The following EXT2 variants were observed in gnomAD, a reference collection of about 807,000 sequenced individuals.
EXT2 encodes exostosin glycosyltransferase 2.
A neutral mutation model predicts 81.6 loss-of-function variants in EXT2; 53 were observed. The observed-to-expected ratio is 0.65, with a 90% CI of 0.52 to 0.82. The LOEUF (loss-of-function observed/expected upper bound fraction) is 0.82, where lower values mean the gene tolerates loss of function less well. Among genes scored for constraint, EXT2 ranks in the 40% least tolerant of loss-of-function variants. EXT2 has a pLI of 0.00. For missense variants in EXT2, 774 were observed against 910.2 expected, an observed-to-expected ratio of 0.85 and a Z score of 1.93; for synonymous variants, 320 against 340.0, an observed-to-expected ratio of 0.94 and a Z score of 0.65.
At chr11:44,178,018 A>G (rs563366720) in intron 8 of EXT2, among the ~76,000 whole-genome samples, 1 of 152,338 alleles carries the variant, frequency 6.6e-6, no homozygotes, top group Admixed American at 6.5e-5. Context: ...ACTTCCTCTA[A>G]GCCTCAGTCT....
chr11:44,180,027 T>A (rs1264124030), intron 8 of EXT2, among the ~76,000 whole-genome samples: 1 of 152,226 alleles, frequency 6.6e-6, no homozygotes, highest in Non-Finnish European at 1.5e-5. Flanking sequence ...CTCCCTTTTT[T>A]TTCCCTCAGC....
chr11:44,165,829 G>C (rs1437786838), intron 7 of EXT2, among the ~76,000 whole-genome samples: 1 of 152,130 alleles, frequency 6.6e-6, no homozygotes, highest in African/African-American at 2.4e-5. Context: ...TCTTGAAAAA[G>C]GGTGATTTTC....
chr11:44,203,054 A>G (rs1955539662), intron 9 of EXT2, among the ~76,000 whole-genome samples: 1 of 152,210 alleles, frequency 6.6e-6, no homozygotes, highest in Non-Finnish European at 1.5e-5. Flanking sequence ...TTATACCATC[A>G]GGAAGTTCTT....
intron 10 of EXT2, among the ~76,000 whole-genome samples, chr11:44,228,223 A>G (rs1475627425): frequency 2.6e-5 from 4 of 152,212 alleles, no homozygotes; most frequent in African/African-American, 9.6e-5. Flanking sequence ...AGTATAGACA[A>G]TTTAATATTG....
At chr11:44,138,884 G>T (rs1320105120) in intron 7 of EXT2, among the ~76,000 whole-genome samples, 2 of 152,136 alleles carry the variant, frequency 1.3e-5, no homozygotes, top group Non-Finnish European at 2.9e-5. Flanking sequence ...TGTAGATTCT[G>T]GCCCCCCACT....
intron 13 of EXT2, among the ~76,000 whole-genome samples, chr11:44,240,816 T>G (rs1956028277): frequency 6.6e-6 from 1 of 152,160 alleles, no homozygotes; most frequent in African/African-American, 2.4e-5. Flanking sequence ...TAAGCCATCT[T>G]GGGTAGATAA....
At chr11:44,151,048 G>A (rs7124027) in intron 7 of EXT2, among the ~76,000 whole-genome samples, 40 of 152,316 alleles carry the variant, frequency 2.6e-4, no homozygotes, top group African/African-American at 9.1e-4. Context: ...GAACATTAAA[G>A]TACAGATAGG....
rs1179119153 is a variant in EXT2, at chr11:44,249,146, A to G, written c.*4859A>G. The stretch of plus-strand genomic sequence containing the variant: ...CAAGTAGCTGAGACTAAAAGCGTGC[A>G]CCACCACACCTGGCTGATCTTTTAA... On this transcript the variant is annotated 3_prime_UTR_variant, in exon 14 of 14. Transcript: ENST00000533608. Among the ~76,000 whole-genome samples, 1 of 152,044 alleles carries G rather than the reference A, an allele frequency of 6.6e-6. No individual in the cohort carries two copies. Among genetic ancestry groups the G allele is most frequent in the Non-Finnish European group, 1.5e-5 (1 of 68,022 alleles).
At chr11:44,238,127 A>G (rs1955992043) in intron 13 of EXT2, among the ~76,000 whole-genome samples, 1 of 152,092 alleles carries the variant, frequency 6.6e-6, no homozygotes. Context: ...TAATTTAGAT[A>G]TAATTATTAT....
At chr11:44,236,059 C>A (rs1370711911) in intron 12 of EXT2, among the ~76,000 whole-genome samples, 1 of 152,186 alleles carries the variant, frequency 6.6e-6, no homozygotes, top group Non-Finnish European at 1.5e-5. Flanking sequence ...CCACTTCTTT[C>A]CAGTTACAGA....
intron 4 of EXT2, chr11:44,116,052 A>G (rs1954217703): frequency 6.6e-6 from 1 of 152,172 alleles, no homozygotes; most frequent in African/African-American, 2.4e-5. Context: ...TACTCTTTTA[A>G]TGTGTATAAT....
intron 1 of EXT2, 44 bp from the exon 2 acceptor site, chr11:44,107,639 A>T (rs1182806368): frequency 6.4e-7 from 1 of 1,557,046 alleles, no homozygotes; most frequent in Non-Finnish European, 8.7e-7. Context: ...GTCATTTGCC[A>T]TCCTAAATAC....
At chr11:44,180,282 T>C (rs1313301735) in intron 8 of EXT2, among the ~76,000 whole-genome samples, 1 of 152,212 alleles carries the variant, frequency 6.6e-6, no homozygotes, top group Non-Finnish European at 1.5e-5. Context: ...ACTCCTCCTG[T>C]TCCATCTTAC....
chr11:44,132,503 G>A (rs1056760460), intron 7 of EXT2, among the ~76,000 whole-genome samples: 47 of 152,114 alleles, frequency 3.1e-4, no homozygotes, highest in African/African-American at 1.1e-3. Context: ...AGCTCCCTAG[G>A]CTTCCATTTC....
At chr11:44,119,124 TTATATATATATATATATATA>T (rs200249806) in intron 4 of EXT2, among the ~76,000 whole-genome samples, 1,307 of 25,654 alleles carry the variant, frequency 0.051, 100 homozygotes, top group African/African-American at 0.094. Flanking sequence ...ATTTGGCTAT[TTATATATATATATATATATA>T]TATATATATA....
At chr11:44,186,517 T>A (rs1422438660) in intron 8 of EXT2, among the ~76,000 whole-genome samples, 1 of 152,258 alleles carries the variant, frequency 6.6e-6, no homozygotes, top group Non-Finnish European at 1.5e-5. Flanking sequence ...AGTGGCAACC[T>A]TTCTTGCTCT....
At chr11:44,126,191 G>C (rs552645403) in intron 5 of EXT2, among the ~76,000 whole-genome samples, 1 of 152,264 alleles carries the variant, frequency 6.6e-6, no homozygotes, top group South Asian at 2.1e-4. Flanking sequence ...CCACATTGAG[G>C]GGGTTTGAGG....
At chr11:44,177,318 CA>C (rs746421001) in intron 8 of EXT2, among the ~76,000 whole-genome samples, 30 of 152,076 alleles carry the variant, frequency 2.0e-4, no homozygotes, top group Admixed American at 5.9e-4. Flanking sequence ...CTCCTTTTTG[CA>C]AATATCAGCA....
intron 9 of EXT2, among the ~76,000 whole-genome samples, chr11:44,204,725 C>A (rs1209640029): frequency 6.6e-6 from 1 of 152,132 alleles, no homozygotes; most frequent in Non-Finnish European, 1.5e-5. Flanking sequence ...GTTGCACGCC[C>A]CTTACGAGAA....
Sources: gnomAD v4.1 joint callset for allele counts (sites outside exome capture counted in the v4.1 genomes callset) on GRCh38, gnomAD v4.1.1 for gene constraint, MANE v1.5 for transcripts, NCBI Gene and HGNC (gene_info 2026-07-23, HGNC 2026-07-21) for gene names.